Variants in SORCS2 observed in about 807,000 individuals in gnomAD.
The protein encoded by SORCS2 is VPS10 domain-containing receptor SorCS2.
Under a neutral mutation model 141.6 loss-of-function variants are expected in SORCS2, and 100 were observed. That is an observed-to-expected ratio of 0.71 (90% CI 0.60 to 0.83). The LOEUF (loss-of-function observed/expected upper bound fraction) is 0.83, where lower values mean the gene tolerates loss of function less well. Among genes scored for constraint, SORCS2 ranks in the 40% least tolerant of loss-of-function variants. The pLI is 0.00. For missense variants in SORCS2, 1,646 were observed against 1,560.2 expected (o/e 1.05, Z -0.93); for synonymous variants, 789 against 676.9 (o/e 1.17, Z -2.57).
At chr4:7,738,214 G>A (rs1403546436) in intron 26 of SORCS2, among the ~76,000 whole-genome samples, 2 of 152,242 alleles carry the variant, frequency 1.3e-5, no homozygotes, top group Non-Finnish European at 2.9e-5. Flanking sequence ...AGGAGGCTCT[G>A]AGACTTGCCA....
rs151224098 is a variant in SORCS2 at position 7,530,457 on chromosome 4, T to C, written c.549-1073T>C. On this transcript the variant is annotated intron_variant, in intron 2 of 26. Coordinates refer to ENST00000507866, the MANE Select transcript of SORCS2 (RefSeq NM_020777.3). ...AGACATGGGGAAGCCCCACAAGGCA[T>C]GCTGCCCACGACAGGAGCCCCACGG... Among the ~76,000 whole-genome samples, 1,389 of 152,310 alleles carry C rather than the reference T, an allele frequency of 9.1e-3. 10 individuals are homozygous for C. Among genetic ancestry groups the C allele is most frequent in the Middle Eastern group, 0.017 (5 of 294 alleles).
At chr4:7,314,133 C>T (rs1347504314) in intron 1 of SORCS2, among the ~76,000 whole-genome samples, 1 of 152,128 alleles carries the variant, frequency 6.6e-6, no homozygotes, top group Non-Finnish European at 1.5e-5. Flanking sequence ...CGGGATCCTC[C>T]CTGCCTCTGT....
intron 2 of SORCS2, among the ~76,000 whole-genome samples, chr4:7,456,635 G>A (rs1231604115): frequency 6.6e-6 from 1 of 152,200 alleles, no homozygotes; most frequent in Non-Finnish European, 1.5e-5. Context: ...CTGGGAGAGA[G>A]GGTAACGCAG....
chr4:7,279,180 T>A (rs566198927), intron 1 of SORCS2, among the ~76,000 whole-genome samples: 2 of 152,282 alleles, frequency 1.3e-5, no homozygotes, highest in Admixed American at 6.5e-5. Context: ...CCTCCCTTTT[T>A]TGGTGGTGGT....
chr4:7,662,709 T>C (rs1345954802), intron 6 of SORCS2, among the ~76,000 whole-genome samples: 5 of 152,354 alleles, frequency 3.3e-5, no homozygotes, highest in African/African-American at 1.2e-4. Context: ...CCCTGGCTCA[T>C]GAGCACCCAC....
chr4:7,676,308 C>T, intron 9 of SORCS2, 79 bp downstream of exon 9: 6 of 1,426,456 alleles, frequency 4.2e-6, no homozygotes, highest in South Asian at 2.7e-5. Context: ...CTTCCTCCCC[C>T]CTCCCCTCCC....
At chr4:7,269,315 A>G (rs1207937931) in intron 1 of SORCS2, among the ~76,000 whole-genome samples, 1 of 152,208 alleles carries the variant, frequency 6.6e-6, no homozygotes, top group Non-Finnish European at 1.5e-5. Flanking sequence ...GCCGTTGTGC[A>G]GGGCCGCCAG....
At chr4:7,695,864 ATGGG>A (rs1416320795) in intron 11 of SORCS2, among the ~76,000 whole-genome samples, 1 of 51,816 alleles carries the variant, frequency 1.9e-5, no homozygotes, top group Non-Finnish European at 3.8e-5. Flanking sequence ...GGATGGGTGG[ATGGG>A]TGGGTGGGTG....
At chr4:7,724,260 T>G (rs1383003137) in intron 19 of SORCS2, among the ~76,000 whole-genome samples, 1 of 146,156 alleles carries the variant, frequency 6.8e-6, no homozygotes, top group African/African-American at 2.7e-5. Flanking sequence ...TTGGTGTTGG[T>G]GATGGTGATG....
At chr4:7,434,711 G>A in intron 2 of SORCS2, 1 of 1,613,050 alleles carries the variant, frequency 6.2e-7, no homozygotes, top group Non-Finnish European at 8.5e-7. Context: ...TTCGCGGTGG[G>A]TTTGTTCCAT....
At chr4:7,475,996 G>A (rs1730267998) in intron 2 of SORCS2, among the ~76,000 whole-genome samples, 1 of 152,234 alleles carries the variant, frequency 6.6e-6, no homozygotes, top group Non-Finnish European at 1.5e-5. Context: ...CTGCCTAGGA[G>A]AGTGAGTGGG....
At position 7,335,785 on chromosome 4, in the gene SORCS2, G is replaced by A. The variant is rs559401138; in HGVS notation, c.481-60503G>A. Among the ~76,000 whole-genome samples, 13 of 152,344 alleles carry A rather than the reference G, an allele frequency of 8.5e-5. No individual in the cohort carries two copies. In the East Asian group the frequency reaches 1.4e-3, roughly 16 times the overall value. On this transcript the variant is annotated intron_variant, in intron 1 of 26. Coordinates refer to ENST00000507866, the MANE Select transcript of SORCS2 (RefSeq NM_020777.3). ...CGGGCTCCCGGCTGGGGGGTGTGGC[G>A]TGGCGACTGGAACAGGCCCAAGTGG...
chr4:7,281,327 T>G (rs1035332817), intron 1 of SORCS2, among the ~76,000 whole-genome samples: 8 of 152,114 alleles, frequency 5.3e-5, no homozygotes, highest in African/African-American at 1.9e-4. Context: ...GTGGCTGACA[T>G]GTTGGCAAAA....
At chr4:7,566,508 G>A (rs1715027343) in intron 3 of SORCS2, among the ~76,000 whole-genome samples, 1 of 152,194 alleles carries the variant, frequency 6.6e-6, no homozygotes, top group South Asian at 2.1e-4. Flanking sequence ...TGAGGAAACT[G>A]ACTATCAGAG....
At chr4:7,549,637 T>C (rs995833888) in intron 3 of SORCS2, among the ~76,000 whole-genome samples, 35 of 152,350 alleles carry the variant, frequency 2.3e-4, no homozygotes, top group Non-Finnish European at 4.3e-4. Context: ...AATTCAGTAA[T>C]GCTTATGATG....
In SORCS2 at chr4:7,550,160, G is replaced by A. The variant is rs1713585208; in HGVS notation, c.648+18531G>A. Among the ~76,000 whole-genome samples, 3 of 127,992 alleles carry A rather than the reference G, an allele frequency of 2.3e-5. No individual in the cohort carries two copies. In the Admixed American group the frequency reaches 2.6e-4, roughly 11 times the overall value. The allele number at this position is 127,992 out of a possible 152,430, so 84.0% of individuals were successfully genotyped here. A position where few individuals can be genotyped will look rare whatever the true frequency, so the allele number is the denominator to read the frequency against. On this transcript the variant is annotated intron_variant, in intron 3 of 26. Coordinates refer to ENST00000507866, the MANE Select transcript of SORCS2 (RefSeq NM_020777.3). ...TGTGTGTGTGTGTGTGTGTGTGTGT[G>A]TATTTCAAGCAGCTGAGGCTGCAAA... is the stretch of plus-strand genomic sequence containing the variant.
At chr4:7,597,790 G>A (rs1384081019) in intron 3 of SORCS2, among the ~76,000 whole-genome samples, 2 of 151,952 alleles carry the variant, frequency 1.3e-5, no homozygotes, top group African/African-American at 4.8e-5. Context: ...GCAGCTCAAA[G>A]GTCAGGCAGA....
chr4:7,482,385 C>T (rs1360910958), intron 2 of SORCS2, among the ~76,000 whole-genome samples: 25 of 56,436 alleles, frequency 4.4e-4, no homozygotes, highest in Admixed American at 5.2e-4. Context: ...ATCCCCACCG[C>T]GGACACCCCT....
At chr4:7,610,078 C>A (rs534017226) in intron 3 of SORCS2, among the ~76,000 whole-genome samples, 1 of 152,178 alleles carries the variant, frequency 6.6e-6, no homozygotes, top group Admixed American at 6.5e-5. Flanking sequence ...ACCTTGGGGC[C>A]CCCAGACTAA....
Sources: allele counts gnomAD v4.1 joint callset (sites outside exome capture counted in the v4.1 genomes callset), GRCh38; gene constraint gnomAD v4.1.1; transcripts MANE v1.5; gene names NCBI Gene and HGNC (gene_info 2026-07-23, HGNC 2026-07-21).